Variants in CARMIL1 observed in about 807,000 individuals in gnomAD.
CARMIL1 encodes the protein capping protein regulator and myosin 1 linker 1.
CARMIL1 carries 90 observed loss-of-function variants against 177.1 expected under a neutral mutation model. The observed-to-expected ratio is 0.51, with a 90% CI of 0.43 to 0.61. CARMIL1 has a LOEUF of 0.61. Ranked by LOEUF, CARMIL1 falls within the 20% of genes least tolerant of loss-of-function variation. The pLI is 0.00. For synonymous variants in CARMIL1, 577 were observed against 606.2 expected (o/e 0.95, Z 0.71); for missense variants, 1,380 against 1,667.0 (o/e 0.83, Z 3.00).
At chr6:25,560,776 C>T (rs1324849987) in intron 29 of CARMIL1, among the ~76,000 whole-genome samples, 1 of 152,174 alleles carries the variant, frequency 6.6e-6, no homozygotes, top group East Asian at 1.9e-4. Flanking sequence ...ACATTGATTT[C>T]TGTAAAATAG....
At chr6:25,359,103 C>T (rs1252120055) in intron 2 of CARMIL1, among the ~76,000 whole-genome samples, 1 of 152,172 alleles carries the variant, frequency 6.6e-6, no homozygotes, top group Non-Finnish European at 1.5e-5. Context: ...ACCATGGTCA[C>T]AGGCTTCTTG....
chr6:25,474,159 G>A (rs1342430862), intron 11 of CARMIL1, among the ~76,000 whole-genome samples: 1 of 151,176 alleles, frequency 6.6e-6, no homozygotes, highest in Non-Finnish European at 1.5e-5. Flanking sequence ...CCAGGCTGGA[G>A]TGCAGTGGCG....
chr6:25,340,821 G>A (rs1321315384), intron 2 of CARMIL1, among the ~76,000 whole-genome samples: 3 of 122,556 alleles, frequency 2.4e-5, no homozygotes, highest in Non-Finnish European at 4.9e-5. Context: ...TGTAAGAATT[G>A]CTAAGTGACA....
intron 29 of CARMIL1, among the ~76,000 whole-genome samples, chr6:25,566,308 A>C (rs919132135): frequency 6.6e-6 from 1 of 152,220 alleles, no homozygotes; most frequent in Non-Finnish European, 1.5e-5. Flanking sequence ...AAAGTCCTAC[A>C]TGGTCTGCCT....
chr6:25,619,373 A>T (rs1197327484), intron 36 of CARMIL1, 74 bp from the exon 37 acceptor site: 2 of 1,463,518 alleles, frequency 1.4e-6, no homozygotes, highest in Non-Finnish European at 1.8e-6. Flanking sequence ...AGGCTACTGC[A>T]TCTCAGCCCA....
At chr6:25,418,513 G>A (rs188465117) in intron 2 of CARMIL1, among the ~76,000 whole-genome samples, 15 of 149,780 alleles carry the variant, frequency 1.0e-4, no homozygotes, top group African/African-American at 3.7e-4. Flanking sequence ...CTGGTGCTTT[G>A]TCCCATTTCC....
chr6:25,522,781 C>G (rs1448494180), intron 23 of CARMIL1, among the ~76,000 whole-genome samples: 1 of 152,010 alleles, frequency 6.6e-6, no homozygotes, highest in African/African-American at 2.4e-5. Flanking sequence ...TCTCACAGCA[C>G]AGTGCCTAGT....
chr6:25,390,831 C>T (rs1232364508), intron 2 of CARMIL1, among the ~76,000 whole-genome samples: 1 of 152,178 alleles, frequency 6.6e-6, no homozygotes, highest in Non-Finnish European at 1.5e-5. Flanking sequence ...GCTGGGATTA[C>T]AGGCGTGAAC....
At chr6:25,426,001 A>G (rs1796249009) in intron 3 of CARMIL1, among the ~76,000 whole-genome samples, 1 of 152,314 alleles carries the variant, frequency 6.6e-6, no homozygotes. Flanking sequence ...AGGGAAAAAC[A>G]ACATTGACTT....
intron 2 of CARMIL1, among the ~76,000 whole-genome samples, chr6:25,360,276 A>G (rs1789060206): frequency 6.6e-6 from 1 of 152,222 alleles, no homozygotes. Flanking sequence ...TCTTGTATGT[A>G]TGAGTGGGGG....
intron 1 of CARMIL1, among the ~76,000 whole-genome samples, chr6:25,281,138 A>ACACACACACC (rs1781083423): frequency 1.6e-5 from 1 of 64,230 alleles, no homozygotes; most frequent in Non-Finnish European, 3.2e-5. Flanking sequence ...GCGCGCGCGC[A>ACACACACACC]CACACACACA....
intron 25 of CARMIL1, among the ~76,000 whole-genome samples, chr6:25,539,217 C>T (rs1331996031): frequency 6.6e-6 from 1 of 152,064 alleles, no homozygotes; most frequent in Non-Finnish European, 1.5e-5. Flanking sequence ...GTACCAGTAA[C>T]AACCTGGGAC....
At chr6:25,530,165 G>A (rs1388343602) in intron 24 of CARMIL1, among the ~76,000 whole-genome samples, 1 of 151,688 alleles carries the variant, frequency 6.6e-6, no homozygotes, top group Non-Finnish European at 1.5e-5. Flanking sequence ...ATATATCTTG[G>A]TGGAATCTCA....
At chr6:25,599,763 G>A (rs1488993028) in intron 32 of CARMIL1, among the ~76,000 whole-genome samples, 1 of 152,142 alleles carries the variant, frequency 6.6e-6, no homozygotes, top group Admixed American at 6.5e-5. Flanking sequence ...GGTGAAAGGC[G>A]GCATGAAAAC....
At chr6:25,286,842 C>T (rs1195178664) in intron 2 of CARMIL1, among the ~76,000 whole-genome samples, 2 of 152,170 alleles carry the variant, frequency 1.3e-5, no homozygotes, top group Admixed American at 1.3e-4. Flanking sequence ...ATAAAATTAG[C>T]ACTATTTAAA....
rs114015700 is a variant in CARMIL1 at position 25,342,950 on chromosome 6, A to G, written c.138+58041A>G. Among the ~76,000 whole-genome samples the G allele has an allele frequency of 5.7e-3, 865 of 152,336 alleles. 8 individuals are homozygous for G. The highest frequency in any genetic ancestry group is 0.02 in the African/African-American group (817 of 41,580). On this transcript the variant is annotated intron_variant, in intron 2 of 36. Coordinates refer to ENST00000329474, the MANE Select transcript of CARMIL1 (RefSeq NM_017640.6). The stretch of plus-strand genomic sequence containing the variant: ...TCCTGTCAGGAAATCTGATGCAACT[A>G]TCTGTCTAATCTTATTTTCCAGACA...
chr6:25,350,796 C>CTG (rs982619873), intron 2 of CARMIL1: 3 of 152,204 alleles, frequency 2.0e-5, no homozygotes, highest in Non-Finnish European at 2.9e-5. Flanking sequence ...CCTGGATGTG[C>CTG]TGTCAGTTCC....
intron 11 of CARMIL1, among the ~76,000 whole-genome samples, chr6:25,478,769 C>T (rs1582090377): frequency 6.6e-6 from 1 of 151,688 alleles, no homozygotes; most frequent in East Asian, 1.9e-4. Flanking sequence ...GCACTCCAGC[C>T]TGGGTGACAG....
intron 8 of CARMIL1, 57 bp downstream of exon 8, chr6:25,450,768 CTCCCT>C (rs1798722181): frequency 2.7e-5 from 11 of 405,356 alleles, no homozygotes; most frequent in African/African-American, 1.0e-4. Context: ...CCCTCCCTTC[CTCCCT>C]CCCCTCCCTC....
Sources: allele counts gnomAD v4.1 joint callset (sites outside exome capture counted in the v4.1 genomes callset), GRCh38; gene constraint gnomAD v4.1.1; transcripts MANE v1.5; gene names NCBI Gene and HGNC (gene_info 2026-07-23, HGNC 2026-07-21).